HSD17B14: variants seen among roughly 807,000 people sequenced by gnomAD.
HSD17B14 encodes L-fucose dehydrogenase.
In HSD17B14, 32 loss-of-function variants were observed where a neutral mutation model predicts 32.2. The observed-to-expected ratio is 0.99, with a 90% CI of 0.75 to 1.33. HSD17B14 has a LOEUF of 1.33. Among genes scored for constraint, HSD17B14 ranks in the 40% most tolerant of loss-of-function variants. HSD17B14 has a pLI of 0.00. For synonymous variants in HSD17B14, 140 were observed against 155.4 expected, an observed-to-expected ratio of 0.90 and a Z score of 0.74; for missense variants, 370 against 366.5, an observed-to-expected ratio of 1.01 and a Z score of -0.08.
In HSD17B14 at chr19:48,832,698, C is replaced by A. The variant is rs754586753; in HGVS notation, c.245G>T (p.Arg82Leu). Reference sequence around the variant, plus strand: ...AGCGTTGTTGACAACACAATCCAGGCGGCCAAATCGGCGGATGGTCTCAGA... The same window carrying A: ...AGCGTTGTTGACAACACAATCCAGGAGGCCAAATCGGCGGATGGTCTCAGA... ...LVSETIRRFG[R>L]LDCVVNNAGH... Residue 82 changes from arginine to leucine, a missense_variant, in exon 4 of 9, where the codon CGC (arginine) becomes CTC (leucine). Transcript: ENST00000263278. 3.1e-6 allele frequency: 5 copies of A among 1,612,040 alleles called. No individual in the cohort carries two copies. Among genetic ancestry groups the A allele is most frequent in the Non-Finnish European group, 4.2e-6 (5 of 1,179,680 alleles).
chr19:48,829,518 A>G (rs889847197), intron 5 of HSD17B14, among the ~76,000 whole-genome samples: 2 of 149,490 alleles, frequency 1.3e-5, no homozygotes, highest in African/African-American at 5.0e-5. Context: ...CGCACAGCTA[A>G]TTTTTGTATT....
At chr19:48,829,444 C>T (rs148407039) in intron 5 of HSD17B14, among the ~76,000 whole-genome samples, 9 of 151,746 alleles carry the variant, frequency 5.9e-5, no homozygotes, top group Admixed American at 5.9e-4. Context: ...CTCCACCTCC[C>T]AGGTTCAAGC....
chr19:48,813,123 G>C lies in HSD17B14; in HGVS notation c.*52C>G. 7.6e-7 allele frequency: 1 copy of C among 1,312,278 alleles called. No homozygotes were observed. Among genetic ancestry groups the C allele is most frequent in the South Asian group, 1.4e-5 (1 of 73,194 alleles). 81.3% of individuals were successfully genotyped at this position (1,312,278 alleles called of 1,614,324 possible). ...GGGGCTGCATCTGATACAGGTTGGA[G>C]TTTGGGGTGGGAGAGTCCTAGGAAG... is the stretch of plus-strand genomic sequence containing the variant. On this transcript the variant is annotated 3_prime_UTR_variant, in exon 9 of 9. Coordinates refer to ENST00000263278, the MANE Select transcript of HSD17B14 (RefSeq NM_016246.3).
chr19:48,818,420 C>T (rs1049841989), intron 5 of HSD17B14, among the ~76,000 whole-genome samples: 1 of 151,976 alleles, frequency 6.6e-6, no homozygotes, highest in Non-Finnish European at 1.5e-5. Context: ...CTCTCATCCT[C>T]GCCTCCTCTC....
At chr19:48,813,914 G>C (rs1420515230) in intron 6 of HSD17B14, among the ~76,000 whole-genome samples, 184 bp from the exon 7 acceptor site, 1 of 152,218 alleles carries the variant, frequency 6.6e-6, no homozygotes, top group Non-Finnish European at 1.5e-5. Context: ...GTCACAGGAA[G>C]GCCAGGTGCA....
chr19:48,816,795 C>CTTTCTTTCTTTCT (rs1555775896), intron 5 of HSD17B14, among the ~76,000 whole-genome samples: 5 of 107,270 alleles, frequency 4.7e-5, no homozygotes, highest in Non-Finnish European at 7.4e-5. Flanking sequence ...TTCTTTCTTT[C>CTTTCTTTCTTTCT]TTTCTTTCTT....
intron 5 of HSD17B14, among the ~76,000 whole-genome samples, chr19:48,820,778 G>C (rs1005812170): frequency 6.6e-6 from 1 of 151,842 alleles, no homozygotes; most frequent in Non-Finnish European, 1.5e-5. Context: ...AGAGGCGGGA[G>C]GATAGCTTGA....
intron 5 of HSD17B14, among the ~76,000 whole-genome samples, chr19:48,830,828 AT>A (rs976449299): frequency 4.6e-5 from 6 of 129,384 alleles, no homozygotes; most frequent in African/African-American, 2.1e-4. Flanking sequence ...TGGCCTATTT[AT>A]TTATTTATTT....
intron 5 of HSD17B14, among the ~76,000 whole-genome samples, chr19:48,830,619 C>T (rs1310971159): frequency 1.3e-5 from 2 of 152,024 alleles, no homozygotes; most frequent in African/African-American, 2.4e-5. Flanking sequence ...ATAACTCGCT[C>T]GGTTACAACA....
chr19:48,832,666 G>T lies in HSD17B14; in HGVS notation c.277C>A (p.His93Asn). ...LDCVVNNAGH[H>N]PPPQRPEETS... ...ATGGCCCTGGGGTCTCACAACTCACGGTGGCCAGCGTTGTTGACAACACAA... is the reference window on the plus strand; with the variant it reads ...ATGGCCCTGGGGTCTCACAACTCACTGTGGCCAGCGTTGTTGACAACACAA... The change falls in exon 4 of 9, where the codon CAC becomes AAC. Residue 93 changes from histidine to asparagine, a missense_variant and splice_region_variant. Physicochemically the swap from His to Asn is moderately conservative, Grantham distance 68. Transcript: ENST00000263278. The T allele has an allele frequency of 6.2e-7, 1 of 1,613,036 alleles. No individual in the cohort carries two copies. Among genetic ancestry groups the T allele is most frequent in the African/African-American group, 1.3e-5 (1 of 75,030 alleles).
Position 48,820,850 on chromosome 19 carries a change from G to GA in HSD17B14, c.370-5710dup, listed in dbSNP as rs377553751. On this transcript the variant is annotated intron_variant, in intron 5 of 8. Transcript: ENST00000263278. ...AGACCCCATTCTCCACAAAAAGTAA[G>GA]AAAAAAAAAGACAAAAATAAAAAAA... 1.5e-4 allele frequency among the ~76,000 whole-genome samples: 22 copies of GA among 148,142 alleles called. 1 individual carries two copies. The highest frequency in any genetic ancestry group is 9.9e-4 in the East Asian group (5 of 5,060).
intron 5 of HSD17B14, among the ~76,000 whole-genome samples, chr19:48,818,456 C>T (rs2035094193): frequency 6.6e-6 from 1 of 151,986 alleles, no homozygotes; most frequent in Admixed American, 6.6e-5. Context: ...GACACCCTCC[C>T]TCCCTCCCAG....
chr19:48,825,058 T>C (rs1274605474), intron 5 of HSD17B14, among the ~76,000 whole-genome samples: 1 of 151,672 alleles, frequency 6.6e-6, no homozygotes, highest in Non-Finnish European at 1.5e-5. Flanking sequence ...GCCAACATGA[T>C]GAAACCTCAT....
intron 4 of HSD17B14, among the ~76,000 whole-genome samples, chr19:48,832,377 TG>T (rs2035353779): frequency 6.8e-6 from 1 of 147,442 alleles, no homozygotes; most frequent in African/African-American, 2.5e-5. Flanking sequence ...CGACTCCATC[TG>T]AAAAAAAAAG....
intron 4 of HSD17B14, among the ~76,000 whole-genome samples, 159 bp from the exon 5 acceptor site, chr19:48,831,918 A>C (rs937719756): frequency 6.6e-6 from 1 of 151,424 alleles, no homozygotes; most frequent in African/African-American, 2.4e-5. Context: ...TCTCTACGAA[A>C]AATACAAAAA....
At chr19:48,834,410 G>A (rs1200965734) in intron 2 of HSD17B14, 52 bp from the exon 3 acceptor site, 2 of 1,190,900 alleles carry the variant, frequency 1.7e-6, no homozygotes, top group South Asian at 1.3e-5. Context: ...CAGGGAGGAG[G>A]GGTTGGGGAC....
chr19:48,823,445 G>C (rs185869188), intron 5 of HSD17B14, among the ~76,000 whole-genome samples: 1 of 151,944 alleles, frequency 6.6e-6, no homozygotes, highest in African/African-American at 2.4e-5. Context: ...ATTTTTAGGA[G>C]ATGCTTACTA....
intron 5 of HSD17B14, among the ~76,000 whole-genome samples, chr19:48,830,410 TTTATCTTTC>T (rs1253091895): frequency 6.6e-6 from 1 of 152,052 alleles, no homozygotes; most frequent in African/African-American, 2.4e-5. Flanking sequence ...CCTGTAACCA[TTTATCTTTC>T]TAACTTTTTT....
chr19:48,830,519 C>T (rs1599841542), intron 5 of HSD17B14, among the ~76,000 whole-genome samples: 4 of 152,192 alleles, frequency 2.6e-5, no homozygotes, highest in Middle Eastern at 3.4e-3. Context: ...GCCCCTTCTT[C>T]GGGGCCGAGA....
Sources: allele counts gnomAD v4.1 joint callset (sites outside exome capture counted in the v4.1 genomes callset), GRCh38; gene constraint gnomAD v4.1.1; transcripts MANE v1.5; gene names NCBI Gene and HGNC (gene_info 2026-07-23, HGNC 2026-07-21).